Variants in TFEC observed in about 807,000 individuals in gnomAD.
The protein encoded by TFEC is class E basic helix-loop-helix protein 34.
A neutral mutation model predicts 41.6 loss-of-function variants in TFEC; 31 were observed. The observed-to-expected ratio is 0.74, with a 90% CI of 0.56 to 1.01. The LOEUF (loss-of-function observed/expected upper bound fraction) is 1.01, where lower values mean the gene tolerates loss of function less well. Among genes scored for constraint, TFEC ranks in the 50% least tolerant of loss-of-function variants. TFEC has a pLI of 0.00. For synonymous variants in TFEC, 143 were observed against 140.6 expected (o/e 1.02, Z -0.12); for missense variants, 402 against 404.1 (o/e 0.99, Z 0.04).
intron 1 of TFEC, among the ~76,000 whole-genome samples, chr7:115,999,188 A>T (rs1794490547): frequency 6.6e-6 from 1 of 152,018 alleles, no homozygotes; most frequent in South Asian, 2.1e-4. Context: ...AACAAAAGGA[A>T]TCTTGGAAAC....
At chr7:116,125,234 G>A (rs995189140) in intron 1 of TFEC, among the ~76,000 whole-genome samples, 1 of 152,114 alleles carries the variant, frequency 6.6e-6, no homozygotes, top group Non-Finnish European at 1.5e-5. Context: ...AATATGCAGG[G>A]TTGCAGGGTA....
At chr7:116,027,402 G>A (rs755911163) in intron 1 of TFEC, among the ~76,000 whole-genome samples, 1 of 151,982 alleles carries the variant, frequency 6.6e-6, no homozygotes, top group South Asian at 2.1e-4. Context: ...GCAACATGGC[G>A]AGACCCCCCA....
intron 6 of TFEC, among the ~76,000 whole-genome samples, chr7:115,950,621 G>A (rs1023362528): frequency 3.9e-5 from 6 of 152,060 alleles, no homozygotes; most frequent in Non-Finnish European, 7.4e-5. Flanking sequence ...CATACAGAAA[G>A]ACTCACTATG....
At chr7:116,146,728 A>C (rs1798649236) in intron 1 of TFEC, among the ~76,000 whole-genome samples, 1 of 152,192 alleles carries the variant, frequency 6.6e-6, no homozygotes, top group East Asian at 1.9e-4. Context: ...AGGAACAAAC[A>C]ATCATGAGGG....
At chr7:116,008,020 C>T (rs775175730) in intron 1 of TFEC, among the ~76,000 whole-genome samples, 4 of 152,194 alleles carry the variant, frequency 2.6e-5, no homozygotes, top group Non-Finnish European at 4.4e-5. Flanking sequence ...GAAAGCAGGG[C>T]TGTGACCTAT....
intron 1 of TFEC, among the ~76,000 whole-genome samples, chr7:116,008,904 G>A (rs538998031): frequency 1.3e-5 from 2 of 152,224 alleles, no homozygotes; most frequent in East Asian, 3.9e-4. Context: ...AAATGTGATT[G>A]TAACATATTC....
chr7:115,998,608 A>T (rs1256194891), intron 1 of TFEC, among the ~76,000 whole-genome samples: 1 of 152,088 alleles, frequency 6.6e-6, no homozygotes, highest in African/African-American at 2.4e-5. Context: ...ATAAAGATAC[A>T]CATAGAATGA....
At chr7:116,153,531 C>G (rs1798805620) in intron 1 of TFEC, among the ~76,000 whole-genome samples, 2 of 152,026 alleles carry the variant, frequency 1.3e-5, no homozygotes, top group Admixed American at 6.5e-5. Context: ...GGGATTACAG[C>G]GTAAGCCACC....
chr7:115,994,989 C>A (rs906135266), intron 1 of TFEC, among the ~76,000 whole-genome samples: 1 of 152,022 alleles, frequency 6.6e-6, no homozygotes, highest in Non-Finnish European at 1.5e-5. Context: ...AAATGTGGCA[C>A]ATATCCACCA....
intron 2 of TFEC, among the ~76,000 whole-genome samples, chr7:115,980,174 T>G (rs1009516589): frequency 6.6e-6 from 1 of 152,222 alleles, no homozygotes; most frequent in African/African-American, 2.4e-5. Context: ...GTGACACAGT[T>G]TTGACTAAGT....
Position 115,978,683 on chromosome 7 carries a change from C to T in TFEC, c.181-4427G>A, listed in dbSNP as rs191776749. On this transcript the variant is annotated intron_variant, in intron 2 of 7. Coordinates refer to ENST00000265440, the MANE Select transcript of TFEC (RefSeq NM_012252.4). ...TCCCTTTTGTTGTTATTTTTATTCACTCTTTGCCAAGTTCAACAGATATTG... is the reference window on the plus strand; with the variant it reads ...TCCCTTTTGTTGTTATTTTTATTCATTCTTTGCCAAGTTCAACAGATATTG... Among the ~76,000 whole-genome samples the T allele has an allele frequency of 1.6e-3, 243 of 152,262 alleles. 1 individual carries two copies. Among genetic ancestry groups the T allele is most frequent in the Non-Finnish European group, 2.7e-3 (181 of 68,008 alleles).
At chr7:116,139,599 G>T (rs144708044) in intron 1 of TFEC, among the ~76,000 whole-genome samples, 26 of 152,262 alleles carry the variant, frequency 1.7e-4, no homozygotes, top group African/African-American at 5.5e-4. Flanking sequence ...TATGATCAAG[G>T]TTAGGAAAGT....
chr7:115,982,372 A>G (rs1343102349), intron 2 of TFEC, among the ~76,000 whole-genome samples: 3 of 152,212 alleles, frequency 2.0e-5, no homozygotes, highest in Admixed American at 1.3e-4. Context: ...GCTATACTAT[A>G]CTGACTATAT....
At chr7:116,158,296 C>A (rs1798908886) in intron 1 of TFEC, among the ~76,000 whole-genome samples, 1 of 151,580 alleles carries the variant, frequency 6.6e-6, no homozygotes, top group African/African-American at 2.4e-5. Context: ...TCTCTTTTTT[C>A]CCCCTCATCT....
chr7:116,056,538 C>A (rs933369378), intron 3 of TFEC, among the ~76,000 whole-genome samples: 12 of 152,118 alleles, frequency 7.9e-5, no homozygotes, highest in Non-Finnish European at 1.6e-4. Context: ...TGCCATTTCC[C>A]ACCAGCCATA....
intron 5 of TFEC, among the ~76,000 whole-genome samples, chr7:115,951,350 C>T (rs1441192246): frequency 6.6e-6 from 1 of 152,034 alleles, no homozygotes; most frequent in Non-Finnish European, 1.5e-5. Context: ...CATATACTGT[C>T]CTCAAAGCCT....
At chr7:115,960,952 C>A (rs1792513570) in intron 3 of TFEC, among the ~76,000 whole-genome samples, 1 of 151,538 alleles carries the variant, frequency 6.6e-6, no homozygotes, top group Non-Finnish European at 1.5e-5. Context: ...AAAGGTATAA[C>A]AATTACAAGC....
At chr7:116,076,604 G>A (rs895682478) in intron 3 of TFEC, among the ~76,000 whole-genome samples, 10 of 151,952 alleles carry the variant, frequency 6.6e-5, no homozygotes, top group African/African-American at 9.6e-5. Context: ...TGGAAATCAC[G>A]GACACACTTA....
At chr7:116,007,733 C>A (rs1485961164) in intron 1 of TFEC, among the ~76,000 whole-genome samples, 1 of 152,048 alleles carries the variant, frequency 6.6e-6, no homozygotes, top group Non-Finnish European at 1.5e-5. Flanking sequence ...GTGAAGGATG[C>A]CATCAACCCC....
Sources: allele counts gnomAD v4.1 joint callset (sites outside exome capture counted in the v4.1 genomes callset), GRCh38; gene constraint gnomAD v4.1.1; transcripts MANE v1.5; gene names NCBI Gene and HGNC (gene_info 2026-07-23, HGNC 2026-07-21).